The following C9orf85 variants were observed in gnomAD, a reference collection of about 807,000 sequenced individuals.
C9orf85 encodes uncharacterized protein C9orf85.
In C9orf85, 16 loss-of-function variants were observed where a neutral mutation model predicts 14.9. The observed-to-expected ratio is 1.08, with a 90% CI of 0.73 to 1.63. C9orf85 has a LOEUF of 1.63. C9orf85 is among the 40% of genes most tolerant of loss of function. The pLI, the probability that C9orf85 is intolerant of heterozygous loss-of-function variation, is 0.00. For synonymous variants in C9orf85, 45 were observed against 56.8 expected (o/e 0.79, Z 0.93); for missense variants, 172 against 186.1 (o/e 0.92, Z 0.44).
intron 1 of C9orf85, among the ~76,000 whole-genome samples, chr9:71,931,164 A>C (rs532715778): frequency 6.6e-6 from 1 of 152,308 alleles, no homozygotes; most frequent in East Asian, 1.9e-4. Flanking sequence ...CTTTAGTCAT[A>C]CAGAGTGAGA....
chr9:71,963,772 C>T (rs915204687), intron 2 of C9orf85, among the ~76,000 whole-genome samples: 3 of 152,212 alleles, frequency 2.0e-5, no homozygotes, highest in Non-Finnish European at 2.9e-5. Flanking sequence ...TAGCTGCCTT[C>T]CTGCGGGGCA....
intron 1 of C9orf85, among the ~76,000 whole-genome samples, chr9:71,927,419 T>C (rs1301033027): frequency 3.3e-5 from 5 of 152,162 alleles, no homozygotes; most frequent in Admixed American, 2.6e-4. Flanking sequence ...GCTGTTGTTA[T>C]ATAGAATTAT....
intron 1 of C9orf85, among the ~76,000 whole-genome samples, chr9:71,920,851 A>G (rs1016480119): frequency 1.2e-4 from 18 of 150,268 alleles, no homozygotes; most frequent in Non-Finnish European, 1.5e-5. Context: ...TGTGTAAAAC[A>G]AAAAAAAAAT....
chr9:71,970,487 A>G (rs2132358331), intron 2 of C9orf85, among the ~76,000 whole-genome samples: 1 of 152,242 alleles, frequency 6.6e-6, no homozygotes, highest in East Asian at 1.9e-4. Context: ...TTACTTTTAC[A>G]TATTCTATAA....
intron 2 of C9orf85, among the ~76,000 whole-genome samples, chr9:71,952,590 C>T (rs1324218941): frequency 6.6e-6 from 1 of 152,010 alleles, no homozygotes; most frequent in Non-Finnish European, 1.5e-5. Flanking sequence ...ATGGTCACCT[C>T]GTGACCTCGT....
chr9:71,919,285 G>C (rs996355444), intron 1 of C9orf85, among the ~76,000 whole-genome samples: 1 of 152,178 alleles, frequency 6.6e-6, no homozygotes, highest in Non-Finnish European at 1.5e-5. Context: ...GTAATCCCTG[G>C]TGTGAGGAAT....
chr9:71,942,270 C>T (rs1240928154), intron 1 of C9orf85, among the ~76,000 whole-genome samples: 3 of 152,198 alleles, frequency 2.0e-5, no homozygotes, highest in Non-Finnish European at 4.4e-5. Flanking sequence ...TTGCGAGCAT[C>T]GCTTACTGTA....
chr9:71,934,554 A>G (rs1045985656), intron 1 of C9orf85, among the ~76,000 whole-genome samples: 1 of 152,128 alleles, frequency 6.6e-6, no homozygotes, highest in African/African-American at 2.4e-5. Flanking sequence ...TACAAATCAT[A>G]TACCTGATAA....
chr9:71,971,622 A>T lies in C9orf85; in HGVS notation c.323+4A>T. ...AGAAAGAAGACATTGTTATTCCGTG[A>T]GTGTTTCCTTTTATGTTTGAATTTT... On this transcript the variant is annotated splice_donor_region_variant and intron_variant, in intron 3 of 3. Coordinates refer to ENST00000334731, the MANE Select transcript of C9orf85 (RefSeq NM_182505.5). 1 of 1,571,100 alleles carries T rather than the reference A, an allele frequency of 6.4e-7. No individual in the cohort carries two copies. Among genetic ancestry groups the T allele is most frequent in the Non-Finnish European group, 8.7e-7 (1 of 1,144,688 alleles).
chr9:71,970,149 T>C (rs1822820665), intron 2 of C9orf85, among the ~76,000 whole-genome samples: 1 of 152,150 alleles, frequency 6.6e-6, no homozygotes, highest in Non-Finnish European at 1.5e-5. Flanking sequence ...GGTTTCACCA[T>C]GTTGGCCAGG....
chr9:71,976,890 G>A (rs1338894494), downstream of C9orf85, among the ~76,000 whole-genome samples: 1 of 152,126 alleles, frequency 6.6e-6, no homozygotes, highest in East Asian at 1.9e-4. Flanking sequence ...CTTGCAACTA[G>A]GAGTATCCAG....
intron 2 of C9orf85, among the ~76,000 whole-genome samples, chr9:71,968,420 T>TAA (rs57657282): frequency 7.0e-6 from 1 of 142,252 alleles, no homozygotes; most frequent in African/African-American, 2.5e-5. Flanking sequence ...GAGTTTTCCT[T>TAA]AAAAAAAAAA....
intron 2 of C9orf85, among the ~76,000 whole-genome samples, chr9:71,963,675 GC>G (rs1042867298): frequency 2.0e-5 from 3 of 152,232 alleles, no homozygotes; most frequent in Non-Finnish European, 4.4e-5. Flanking sequence ...GAGGGGCTTA[GC>G]ACCCAGGCCA....
intron 2 of C9orf85, among the ~76,000 whole-genome samples, chr9:71,966,395 C>G (rs1009049819): frequency 6.6e-6 from 1 of 152,038 alleles, no homozygotes; most frequent in Non-Finnish European, 1.5e-5. Context: ...CTGAAGTTTT[C>G]TTAGCAATGG....
Position 71,946,818 on chromosome 9 carries a change from C to T in C9orf85, c.103-188C>T, listed in dbSNP as rs573895515. 2.3e-3 allele frequency among the ~76,000 whole-genome samples: 344 copies of T among 150,022 alleles called. 2 individuals are homozygous for T. Among genetic ancestry groups the T allele is most frequent in the African/African-American group, 8.0e-3 (329 of 40,936 alleles). Reference sequence around the variant, plus strand: ...CAAAAAAAAAACAAAAAAAAAAGAACGATTGCCTTTGTAAGAAAAAATAAC... The same window carrying T: ...CAAAAAAAAAACAAAAAAAAAAGAATGATTGCCTTTGTAAGAAAAAATAAC... On this transcript the variant is annotated intron_variant, in intron 1 of 3. Coordinates refer to ENST00000334731, the MANE Select transcript of C9orf85 (RefSeq NM_182505.5).
intron 1 of C9orf85, among the ~76,000 whole-genome samples, chr9:71,920,502 G>C (rs1484246999): frequency 6.6e-6 from 1 of 152,126 alleles, no homozygotes; most frequent in Non-Finnish European, 1.5e-5. Flanking sequence ...TTTCCTTTTA[G>C]AGAAACACTA....
chr9:71,965,452 C>T (rs1040524476), intron 2 of C9orf85, among the ~76,000 whole-genome samples: 3 of 152,044 alleles, frequency 2.0e-5, no homozygotes, highest in Admixed American at 6.5e-5. Flanking sequence ...ATGTCAAGGG[C>T]GGGCTAGAAT....
At chr9:71,931,287 C>T (rs1019410389) in intron 1 of C9orf85, among the ~76,000 whole-genome samples, 9 of 152,282 alleles carry the variant, frequency 5.9e-5, no homozygotes, top group African/African-American at 1.9e-4. Context: ...ATATCTTTTC[C>T]TGTCAGTTCA....
chr9:71,945,837 T>C (rs1822073706), intron 1 of C9orf85, among the ~76,000 whole-genome samples: 1 of 151,832 alleles, frequency 6.6e-6, no homozygotes, highest in Non-Finnish European at 1.5e-5. Context: ...AAATTTTAAA[T>C]GTCTTCTGCT....
Sources: gnomAD v4.1 joint callset for allele counts (sites outside exome capture counted in the v4.1 genomes callset) on GRCh38, gnomAD v4.1.1 for gene constraint, MANE v1.5 for transcripts, NCBI Gene and HGNC (gene_info 2026-07-23, HGNC 2026-07-21) for gene names.